The following LRRTM4 variants were observed in gnomAD, a reference collection of about 807,000 sequenced individuals.
LRRTM4 encodes leucine rich repeat transmembrane neuronal 4, also known as leucine-rich repeat transmembrane neuronal protein 4.
LRRTM4 carries 25 observed loss-of-function variants against 47.6 expected under a neutral mutation model. The ratio of observed to expected loss-of-function variants is 0.53; its 90% CI spans 0.38 to 0.73. The LOEUF is 0.73. Ranked by LOEUF, LRRTM4 falls within the 30% of genes least tolerant of loss-of-function variation. The pLI is 0.00. For synonymous variants in LRRTM4, 311 were observed against 269.5 expected, an observed-to-expected ratio of 1.15 and a Z score of -1.51; for missense variants, 638 against 713.4, an observed-to-expected ratio of 0.89 and a Z score of 1.20.
At chr2:77,432,740 T>C (rs986294180) in intron 3 of LRRTM4, among the ~76,000 whole-genome samples, 2 of 152,318 alleles carry the variant, frequency 1.3e-5, no homozygotes, top group South Asian at 2.1e-4. Flanking sequence ...TATATAGATA[T>C]AGGCATACAC....
At chr2:77,171,658 T>C (rs1673052590) in intron 3 of LRRTM4, among the ~76,000 whole-genome samples, 1 of 151,842 alleles carries the variant, frequency 6.6e-6, no homozygotes, top group South Asian at 2.1e-4. Context: ...AATATTTTTA[T>C]TTATATTTTA....
intron 3 of LRRTM4, among the ~76,000 whole-genome samples, chr2:76,926,595 C>T (rs1056479162): frequency 1.3e-5 from 2 of 152,092 alleles, no homozygotes; most frequent in Non-Finnish European, 2.9e-5. Context: ...AGGGCTCTGT[C>T]CTCATAAATT....
intron 3 of LRRTM4, among the ~76,000 whole-genome samples, chr2:77,121,727 T>A (rs556409896): frequency 6.6e-6 from 1 of 151,934 alleles, no homozygotes; most frequent in South Asian, 2.1e-4. Flanking sequence ...CCAATTTCCC[T>A]AGGTAGATGA....
chr2:77,376,746 T>C (rs1672857141), intron 3 of LRRTM4, among the ~76,000 whole-genome samples: 1 of 151,846 alleles, frequency 6.6e-6, no homozygotes, highest in Non-Finnish European at 1.5e-5. Context: ...TATTTATCAC[T>C]AGTGAAGTTA....
chr2:77,291,610 C>T (rs980897592), intron 3 of LRRTM4, among the ~76,000 whole-genome samples: 1 of 151,994 alleles, frequency 6.6e-6, no homozygotes, highest in Non-Finnish European at 1.5e-5. Context: ...AACTGAAAAT[C>T]TTAATGAGAT....
Position 76,748,093 on chromosome 2 carries a change from C to G in LRRTM4, c.*602G>C, listed in dbSNP as rs544911108. 2 of 152,390 alleles carry G rather than the reference C, an allele frequency of 1.3e-5. No homozygotes were observed. Among genetic ancestry groups the G allele is most frequent in the Admixed American group, 1.3e-4 (2 of 15,286 alleles). 9.4% of individuals were successfully genotyped at this position (152,390 alleles called of 1,614,324 possible). A position where few individuals can be genotyped will look rare whatever the true frequency, so the allele number is the denominator to read the frequency against. On this transcript the variant is annotated 3_prime_UTR_variant, in exon 4 of 4. Transcript: ENST00000409884. ...CTTTGTGGTCAACTTTCTCCGTGGT[C>G]CGTGGTAAAGCACATTTTCTTTTGG...
chr2:76,899,608 G>A (rs1354003231), intron 3 of LRRTM4, among the ~76,000 whole-genome samples: 1 of 152,038 alleles, frequency 6.6e-6, no homozygotes, highest in East Asian at 1.9e-4. Flanking sequence ...AAGGAGTAAG[G>A]AAGTTAGTGT....
rs939206073 is a variant in LRRTM4, at chr2:76,748,651, C to T, written c.*44G>A. 2.5e-6 allele frequency: 3 copies of T among 1,189,784 alleles called. No homozygotes were observed. Among genetic ancestry groups the T allele is most frequent in the Admixed American group, 1.7e-5 (1 of 58,828 alleles). The allele number at this position is 1,189,784 out of a possible 1,614,324, so 73.7% of individuals were successfully genotyped here. On this transcript the variant is annotated 3_prime_UTR_variant, in exon 4 of 4. Coordinates refer to ENST00000409884, the MANE Select transcript of LRRTM4 (RefSeq NM_001134745.3). ...CATTCTCCTTTAAGATGAAGGCCCT[C>T]CCTCCCCCCCATGGAGCTCCCCAGT...
At chr2:77,022,235 T>C (rs1407459970) in intron 3 of LRRTM4, among the ~76,000 whole-genome samples, 1 of 152,132 alleles carries the variant, frequency 6.6e-6, no homozygotes, top group Non-Finnish European at 1.5e-5. Flanking sequence ...GGGAACAGTA[T>C]GAGGAAAACC....
In LRRTM4 at chr2:77,047,816, C is replaced by T. The variant is rs192936022; in HGVS notation, c.1552-298900G>A. On this transcript the variant is annotated intron_variant, in intron 3 of 3. Transcript: ENST00000409884. ...AACTCATAACATACAATAAACCAAT[C>T]GTACTTGGAAGATAAACTATTAGGG... Among the ~76,000 whole-genome samples, 586 of 152,124 alleles carry T rather than the reference C, an allele frequency of 3.9e-3. 6 individuals carry two copies. Among genetic ancestry groups the T allele is most frequent in the African/African-American group, 0.013 (552 of 41,514 alleles).
At chr2:76,801,925 T>G (rs762981725) in intron 3 of LRRTM4, among the ~76,000 whole-genome samples, 1 of 152,112 alleles carries the variant, frequency 6.6e-6, no homozygotes, top group Non-Finnish European at 1.5e-5. Context: ...TCAACATCTT[T>G]TCATGGTAAA....
intron 3 of LRRTM4, among the ~76,000 whole-genome samples, chr2:77,287,740 A>G (rs1676704538): frequency 1.3e-5 from 2 of 152,134 alleles, no homozygotes; most frequent in African/African-American, 4.8e-5. Flanking sequence ...TTATTACAGT[A>G]TGTTGTTATA....
At chr2:77,381,142 G>T (rs1673035571) in intron 3 of LRRTM4, among the ~76,000 whole-genome samples, 1 of 152,044 alleles carries the variant, frequency 6.6e-6, no homozygotes, top group African/African-American at 2.4e-5. Flanking sequence ...ATTCTTTTCT[G>T]TAAATTCTGG....
At chr2:77,209,732 C>T (rs1674240404) in intron 3 of LRRTM4, among the ~76,000 whole-genome samples, 1 of 152,142 alleles carries the variant, frequency 6.6e-6, no homozygotes. Context: ...GGCAACAAAA[C>T]AATTGCATTG....
intron 3 of LRRTM4, among the ~76,000 whole-genome samples, chr2:76,751,219 C>G (rs1376474631): frequency 6.6e-6 from 1 of 152,118 alleles, no homozygotes; most frequent in Non-Finnish European, 1.5e-5. Flanking sequence ...CTATTCACTT[C>G]TATTAACTTG....
At chr2:77,113,956 A>G (rs776644575) in intron 3 of LRRTM4, among the ~76,000 whole-genome samples, 2 of 152,136 alleles carry the variant, frequency 1.3e-5, no homozygotes, top group Non-Finnish European at 2.9e-5. Flanking sequence ...TCTTCGGGAA[A>G]TAAAATAAGA....
At chr2:76,778,640 T>G (rs1489487682) in intron 3 of LRRTM4, among the ~76,000 whole-genome samples, 1 of 152,140 alleles carries the variant, frequency 6.6e-6, no homozygotes, top group East Asian at 1.9e-4. Flanking sequence ...ATCCATTTGA[T>G]TCTTCTCTCT....
intron 3 of LRRTM4, among the ~76,000 whole-genome samples, chr2:77,043,802 A>G (rs192480496): frequency 6.6e-6 from 1 of 151,952 alleles, no homozygotes. Context: ...TACTGGAATA[A>G]TAACTAACGA....
intron 3 of LRRTM4, among the ~76,000 whole-genome samples, chr2:77,414,482 A>G (rs1674563428): frequency 6.6e-6 from 1 of 152,086 alleles, no homozygotes; most frequent in African/African-American, 2.4e-5. Flanking sequence ...TGTGTTCCCA[A>G]TGAGCCCTGT....
Sources: allele counts gnomAD v4.1 joint callset (sites outside exome capture counted in the v4.1 genomes callset), GRCh38; gene constraint gnomAD v4.1.1; transcripts MANE v1.5; gene names NCBI Gene and HGNC (gene_info 2026-07-23, HGNC 2026-07-21).